The following RBPJ variants were observed in gnomAD, a reference collection of about 807,000 sequenced individuals.
RBPJ encodes the protein recombination signal binding protein for immunoglobulin kappa J region.
A neutral mutation model predicts 67.8 loss-of-function variants in RBPJ; 9 were observed. That is an observed-to-expected ratio of 0.13 (90% confidence interval 0.08 to 0.23). RBPJ has a LOEUF of 0.23. RBPJ is among the 10% of genes least tolerant of loss of function. The pLI, the probability that RBPJ is intolerant of heterozygous loss-of-function variation, is 1.00. For synonymous variants in RBPJ, 198 were observed against 203.3 expected (o/e 0.97, Z 0.22); for missense variants, 305 against 595.6 (o/e 0.51, Z 5.08).
intron 1 of RBPJ, among the ~76,000 whole-genome samples, chr4:26,222,566 AC>A (rs1419588643): frequency 1.3e-5 from 2 of 148,958 alleles, no homozygotes; most frequent in Non-Finnish European, 3.0e-5. Flanking sequence ...TGATTTTTAT[AC>A]ATTATATAAA....
At chr4:26,353,775 A>T (rs1327812856) in intron 1 of RBPJ, among the ~76,000 whole-genome samples, 3 of 147,572 alleles carry the variant, frequency 2.0e-5, no homozygotes, top group African/African-American at 5.0e-5. Flanking sequence ...CGCCTGGCTA[A>T]TTTTTTTGTA....
intron 1 of RBPJ, among the ~76,000 whole-genome samples, chr4:26,183,564 A>G (rs1387306826): frequency 1.3e-5 from 2 of 152,194 alleles, no homozygotes; most frequent in African/African-American, 4.8e-5. Context: ...AACTCAGACA[A>G]CTAGAAGACA....
At chr4:26,276,972 A>G (rs1721105553) in intron 1 of RBPJ, among the ~76,000 whole-genome samples, 1 of 152,074 alleles carries the variant, frequency 6.6e-6, no homozygotes, top group Non-Finnish European at 1.5e-5. Flanking sequence ...TAGTCATAGA[A>G]TTTTCTGTAA....
chr4:26,399,708 T>G (rs187054384), intron 2 of RBPJ, among the ~76,000 whole-genome samples: 1 of 152,280 alleles, frequency 6.6e-6, no homozygotes, highest in Admixed American at 6.5e-5. Flanking sequence ...TTTTTTTTGT[T>G]TGAGATGGAG....
At chr4:26,421,888 T>C (rs1016094838) in intron 5 of RBPJ, among the ~76,000 whole-genome samples, 2 of 152,282 alleles carry the variant, frequency 1.3e-5, no homozygotes, top group African/African-American at 4.8e-5. Context: ...ACCCAGAATG[T>C]CTTTTTATAG....
chr4:26,127,221 G>A, the RBPJ span, among the ~76,000 whole-genome samples: 5 of 152,188 alleles, frequency 3.3e-5, no homozygotes, highest in African/African-American at 7.2e-5. Flanking sequence ...AGAGGAATCC[G>A]GGCAGCACAT....
chr4:26,214,712 GGAGA>G (rs1553849743), intron 1 of RBPJ, among the ~76,000 whole-genome samples: 3 of 43,854 alleles, frequency 6.8e-5, no homozygotes, highest in Non-Finnish European at 1.2e-4. Flanking sequence ...AAGGAAGGAA[GGAGA>G]GAGAGAGAAA....
Position 26,430,889 on chromosome 4 carries a change from G to T in RBPJ, c.1346G>T (p.Arg449Leu). ...TGCAGTGCAGCAGGAGCAATCCTTCGAGCCAATTCAAGCCAGGTGCCCCCT... is the reference window on the plus strand; with the variant it reads ...TGCAGTGCAGCAGGAGCAATCCTTCTAGCCAATTCAAGCCAGGTGCCCCCT... ...PHCSAAGAIL[R>L]ANSSQVPPNE... Residue 449 changes from arginine (R) to leucine (L), a missense_variant, in exon 11 of 11, where the codon CGA becomes CTA. Coordinates refer to ENST00000355476, the MANE Select transcript of RBPJ (RefSeq NM_015874.6). The surrounding 1 kb of genome is among the most constrained non-coding windows in gnomAD (Gnocchi z 4.1). 6.2e-7 allele frequency: 1 copy of T among 1,613,918 alleles called. No individual in the cohort carries two copies. Among genetic ancestry groups the T allele is most frequent in the Non-Finnish European group, 8.5e-7 (1 of 1,179,996 alleles).
rs975573797 is a variant in RBPJ at position 26,279,856 on chromosome 4, A to G, written c.-166-82590A>G. The stretch of plus-strand genomic sequence containing the variant: ...AGGCTGGAGTGCAGTGTCTCGAACA[A>G]GGCTCACTGCAGCCTCGACTTCTTG... On this transcript the variant is annotated intron_variant, in intron 1 of 4. Transcript: ENST00000512351. Among the ~76,000 whole-genome samples the G allele has an allele frequency of 2.8e-4, 42 of 150,306 alleles. 1 individual carries two copies. The highest frequency in any genetic ancestry group is 4.4e-5 in the Non-Finnish European group (3 of 67,622).
chr4:26,396,067 G>A (rs1732088620), intron 2 of RBPJ, among the ~76,000 whole-genome samples: 1 of 152,146 alleles, frequency 6.6e-6, no homozygotes, highest in African/African-American at 2.4e-5. Flanking sequence ...AGGTTTCTTT[G>A]CATGACAGGT....
chr4:26,324,176 A>G (rs1158099791), intron 1 of RBPJ, among the ~76,000 whole-genome samples: 1 of 152,194 alleles, frequency 6.6e-6, no homozygotes, highest in Non-Finnish European at 1.5e-5. Flanking sequence ...AGGTCTAGGA[A>G]TTGTTACTGA....
In RBPJ at chr4:26,394,062, T is replaced by C. The variant is rs553864062; in HGVS notation, c.59+7671T>C. On this transcript the variant is annotated intron_variant, in intron 2 of 10. Transcript: ENST00000355476. ...TTTTTTTGAGAATGGAGTCTCACTC[T>C]GTTGCCCAGGCTGGAGTGCAGTGGC... Among the ~76,000 whole-genome samples, 4 of 151,392 alleles carry C rather than the reference T, an allele frequency of 2.6e-5. No homozygotes were observed. In the East Asian group the frequency reaches 5.9e-4, roughly 22 times the overall value.
intron 1 of RBPJ, among the ~76,000 whole-genome samples, chr4:26,302,194 C>T (rs192955135): frequency 5.9e-5 from 9 of 152,190 alleles, no homozygotes; most frequent in East Asian, 1.9e-4. Context: ...CCTGATGGAA[C>T]CTTAGCCATT....
At chr4:26,397,912 C>T (rs1377639940) in intron 2 of RBPJ, among the ~76,000 whole-genome samples, 2 of 152,186 alleles carry the variant, frequency 1.3e-5, no homozygotes, top group Non-Finnish European at 2.9e-5. Flanking sequence ...GGATTACAGG[C>T]GTGAGCCACC....
chr4:26,346,702 G>A lies in RBPJ; in HGVS notation c.20+25654G>A, dbSNP rs543292906. 2.0e-5 allele frequency among the ~76,000 whole-genome samples: 3 copies of A among 152,234 alleles called. No individual in the cohort carries two copies. The East Asian group carries it at 5.8e-4, about 29-fold the overall frequency. ...ATCATTAGGATTCTAAAAACAGGCT[G>A]TATTGGCCGGGCGCTGCGGCTCAGG... is the stretch of plus-strand genomic sequence containing the variant. On this transcript the variant is annotated intron_variant, in intron 1 of 10. Transcript: ENST00000355476.
At chr4:26,114,497 ATGTATG>A in the RBPJ span, among the ~76,000 whole-genome samples, 4 of 140,034 alleles carry the variant, frequency 2.9e-5, no homozygotes, top group African/African-American at 1.1e-4. Flanking sequence ...ATATATATAT[ATGTATG>A]TGTGTGTGTA....
At chr4:26,316,827 C>CTTTTTTTTTTTTTTTTTTTTTTTTTTT (rs56130072), upstream of RBPJ, among the ~76,000 whole-genome samples, 4 of 71,396 alleles carry the variant, frequency 5.6e-5, 2 homozygotes, top group South Asian at 1.0e-3. Flanking sequence ...ACCCAGACGA[C>CTTTTTTTTTTTTTTTTTTTTTTTTTTT]TTTTTTTTTT....
chr4:26,283,757 CT>C lies in RBPJ; in HGVS notation c.-166-78688del, dbSNP rs771406454. Among the ~76,000 whole-genome samples the C allele has an allele frequency of 2.6e-5, 4 of 151,874 alleles. No homozygotes were observed. The East Asian group carries it at 7.8e-4, about 30-fold the overall frequency. On this transcript the variant is annotated intron_variant, in intron 1 of 4. Transcript: ENST00000512351. ...CACCTCCCAGGTTCAAGCGATTCTC[CT>C]GCCTCAGCCTCCCGAGTAGCTAGGA...
intron 1 of RBPJ, among the ~76,000 whole-genome samples, chr4:26,273,667 C>A (rs1322750213): frequency 1.3e-5 from 2 of 152,212 alleles, no homozygotes; most frequent in Non-Finnish European, 2.9e-5. Flanking sequence ...AACCTAGCAG[C>A]GGGGCCTGGG....
Sources: gnomAD v4.1 joint callset for allele counts (sites outside exome capture counted in the v4.1 genomes callset) on GRCh38, gnomAD v4.1.1 for gene constraint, Gnocchi (gnomAD v3.1) non-coding constraint, MANE v1.5 for transcripts, NCBI Gene and HGNC (gene_info 2026-07-23, HGNC 2026-07-21) for gene names.